The following IL12RB2 variants were observed in gnomAD, a reference collection of about 807,000 sequenced individuals.
IL12RB2 encodes the protein interleukin-12 receptor subunit beta-2.
In IL12RB2, 82 loss-of-function variants were observed where a neutral mutation model predicts 89.4. The ratio of observed to expected loss-of-function variants is 0.92; its 90% CI spans 0.77 to 1.10. IL12RB2 has a LOEUF of 1.10. IL12RB2 is among the 50% of genes least tolerant of loss of function. The pLI, the probability that IL12RB2 is intolerant of heterozygous loss-of-function variation, is 0.00. For synonymous variants in IL12RB2, 368 were observed against 370.1 expected (o/e 0.99, Z 0.07); for missense variants, 963 against 1,031.9 (o/e 0.93, Z 0.92).
intron 16 of IL12RB2, 138 bp downstream of exon 16, chr1:67,390,266 G>C: frequency 3.0e-6 from 2 of 667,736 alleles, no homozygotes; most frequent in Non-Finnish European, 5.5e-6. Context: ...GGCTACCACT[G>C]AGTCATCATT....
chr1:67,355,706 T>C (rs1317659265), intron 10 of IL12RB2, among the ~76,000 whole-genome samples: 1 of 152,234 alleles, frequency 6.6e-6, no homozygotes, highest in African/African-American at 2.4e-5. Flanking sequence ...TTCTGAACGT[T>C]ATAACTTCAT....
chr1:67,347,733 G>A (rs1414516093), intron 9 of IL12RB2, among the ~76,000 whole-genome samples: 1 of 152,162 alleles, frequency 6.6e-6, no homozygotes, highest in African/African-American at 2.4e-5. Context: ...AATAGGAGAA[G>A]GTGACAATGA....
At chr1:67,337,274 C>T (rs561291488) in intron 8 of IL12RB2, among the ~76,000 whole-genome samples, 20 of 152,252 alleles carry the variant, frequency 1.3e-4, no homozygotes, top group African/African-American at 3.9e-4. Context: ...AAAACCCCAG[C>T]GCAGCCTCCC....
intron 14 of IL12RB2, among the ~76,000 whole-genome samples, chr1:67,383,173 GAGA>G (rs569167091): frequency 1.5e-3 from 227 of 152,290 alleles, no homozygotes; most frequent in Admixed American, 3.2e-3. Context: ...TGCCAGGAGA[GAGA>G]AGAATGAGAG....
intron 1 of IL12RB2, among the ~76,000 whole-genome samples, chr1:67,308,471 A>G (rs1001952004): frequency 6.6e-6 from 1 of 152,112 alleles, no homozygotes; most frequent in East Asian, 1.9e-4. Context: ...TTGTCTCAGC[A>G]GTCTTTCCTG....
intron 10 of IL12RB2, among the ~76,000 whole-genome samples, chr1:67,366,312 G>A (rs2100971409): frequency 6.6e-6 from 1 of 152,074 alleles, no homozygotes; most frequent in Middle Eastern, 3.4e-3. Flanking sequence ...TTAGTTGGGT[G>A]TGGTGGCAGA....
intron 16 of IL12RB2, among the ~76,000 whole-genome samples, chr1:67,390,557 T>C (rs917158465): frequency 8.1e-5 from 12 of 148,624 alleles, no homozygotes; most frequent in African/African-American, 3.0e-4. Flanking sequence ...TGTCTAAGCA[T>C]AGAAAAGATA....
chr1:67,326,946 T>C (rs564416734), intron 5 of IL12RB2, 97 bp downstream of exon 5: 2 of 638,508 alleles, frequency 3.1e-6, no homozygotes, highest in Non-Finnish European at 3.9e-6. Flanking sequence ...TATTTTATTT[T>C]ATTTATTTAT....
At chr1:67,307,598 G>A (rs1654422309), upstream of IL12RB2, 1 of 152,276 alleles carries the variant, frequency 6.6e-6, no homozygotes, top group Non-Finnish European at 1.5e-5. Flanking sequence ...TCTTGCTCAA[G>A]GCGACACAGC....
chr1:67,391,703 C>T (rs1665851738), intron 16 of IL12RB2, among the ~76,000 whole-genome samples: 1 of 151,464 alleles, frequency 6.6e-6, no homozygotes, highest in Non-Finnish European at 1.5e-5. Flanking sequence ...GTGGCGCAAT[C>T]TCGGCTCACT....
rs752369815 is a variant in IL12RB2, at chr1:67,395,767, T to G, written c.2267T>G (p.Leu756Arg). 3 of 1,613,206 alleles carry G rather than the reference T, an allele frequency of 1.9e-6. No individual in the cohort carries two copies. Among genetic ancestry groups the G allele is most frequent in the East Asian group, 2.2e-5 (1 of 44,876 alleles). Residue 756 changes from leucine to arginine, a missense_variant, in exon 17 of 17, where the codon CTC becomes CGC. Physicochemically the swap from Leu to Arg is moderately radical, Grantham distance 102. Transcript: ENST00000674203. ...SASSPPPPRA[L>R]QAESRQLVDL... The stretch of plus-strand genomic sequence containing the variant: ...TCAAGCCCACCACCTCCAAGAGCTC[T>G]CCAAGCTGAGAGCAGACAACTGGTG...
In IL12RB2 at chr1:67,328,325, C is replaced by T. The variant is rs780794754; in HGVS notation, c.605C>T (p.Ala202Val). 1.9e-6 allele frequency: 3 copies of T among 1,614,170 alleles called. No homozygotes were observed. The East Asian group carries it at 6.7e-5, about 36-fold the overall frequency. ...PESNFTAKVT[A>V]VNSLGSSSSL... is the part of the protein sequence containing the mutation. ...TCCAATTTCACAGCCAAGGTTACTG[C>T]TGTCAATAGTCTTGGAAGCTCCTCT... The change falls in exon 6 of 17, where the codon GCT (alanine) becomes GTT (valine). Residue 202 changes from alanine to valine, a missense_variant. Ala to Val is a moderately conservative substitution (Grantham distance 64). Coordinates refer to ENST00000674203, the MANE Select transcript of IL12RB2 (RefSeq NM_001374259.2).
At position 67,338,669 on chromosome 1, in the gene IL12RB2, A is replaced by T; in HGVS notation, c.1004A>T (p.Asp335Val). Reference sequence around the variant, plus strand: ...GTCTGGTACATGAAACGGCACATTGACTACAGTAGACAACAGATTTCTCTT... The same window carrying T: ...GTCTGGTACATGAAACGGCACATTGTCTACAGTAGACAACAGATTTCTCTT... ...LDVWYMKRHI[D>V]YSRQQISLFW... The change falls in exon 9 of 17, where the codon GAC becomes GTC. Residue 335 changes from aspartate (D) to valine (V), a missense_variant. Transcript: ENST00000674203. The T allele has an allele frequency of 1.3e-6, 2 of 1,549,352 alleles. No homozygotes were observed. The highest frequency in any genetic ancestry group is 1.8e-6 in the Non-Finnish European group (2 of 1,121,006).
rs533106631 is a variant in IL12RB2 at position 67,389,047 on chromosome 1, TA to T, written c.1947-971del. Reference sequence around the variant, plus strand: ...AGTTACAGTGCAGGCTAAACTGCCTTAAAAAAAAAAAGAGGACCCAAAGCAC... The same window carrying T: ...AGTTACAGTGCAGGCTAAACTGCCTTAAAAAAAAAAGAGGACCCAAAGCAC... On this transcript the variant is annotated intron_variant, in intron 15 of 16. Transcript: ENST00000674203. 4.7e-3 allele frequency among the ~76,000 whole-genome samples: 681 copies of T among 145,608 alleles called. 6 individuals carry two copies. The highest frequency in any genetic ancestry group is 6.9e-3 in the Middle Eastern group (2 of 290).
At chr1:67,392,826 G>C (rs915387173) in intron 16 of IL12RB2, among the ~76,000 whole-genome samples, 1 of 151,768 alleles carries the variant, frequency 6.6e-6, no homozygotes, top group Admixed American at 6.6e-5. Flanking sequence ...GTAGAGATGG[G>C]GTTTCACCAT....
At chr1:67,360,356 G>A (rs538831192) in intron 10 of IL12RB2, among the ~76,000 whole-genome samples, 4 of 148,524 alleles carry the variant, frequency 2.7e-5, no homozygotes, top group African/African-American at 5.0e-5. Flanking sequence ...CCAAGATGGC[G>A]CCACTGCACT....
chr1:67,330,527 T>C (rs1657923679), intron 7 of IL12RB2, 133 bp from the exon 8 acceptor site: 1 of 645,392 alleles, frequency 1.5e-6, no homozygotes, highest in Admixed American at 2.7e-5. Flanking sequence ...TGATATTTCT[T>C]CTCATTTAAT....
At chr1:67,321,243 G>A (rs1162517617) in intron 3 of IL12RB2, among the ~76,000 whole-genome samples, 1 of 151,846 alleles carries the variant, frequency 6.6e-6, no homozygotes, top group Admixed American at 6.6e-5. Context: ...TTTTTTTCTG[G>A]GAAGGCTTTA....
chr1:67,367,837 C>T lies in IL12RB2; in HGVS notation c.1271C>T (p.Pro424Leu). 6.3e-7 allele frequency: 1 copy of T among 1,586,032 alleles called. No homozygotes were observed. The highest frequency in any genetic ancestry group is 8.7e-7 in the Non-Finnish European group (1 of 1,154,552). ...CTGTCCGATAAAGGGTTGCTGGCTCCTCGCCAGGTCTCTGCAAACTCAGAG... is the reference window on the plus strand; with the variant it reads ...CTGTCCGATAAAGGGTTGCTGGCTCTTCGCCAGGTCTCTGCAAACTCAGAG... Reference protein sequence around the residue: ...MNLCEAGLLAPRQVSANSEGM... With the variant: ...MNLCEAGLLALRQVSANSEGM... Residue 424 changes from proline to leucine, a missense_variant, in exon 11 of 17, where the codon CCT (proline) becomes CTT (leucine). Transcript: ENST00000674203.
Sources: allele counts gnomAD v4.1 joint callset (sites outside exome capture counted in the v4.1 genomes callset), GRCh38; gene constraint gnomAD v4.1.1; transcripts MANE v1.5; gene names NCBI Gene and HGNC (gene_info 2026-07-23, HGNC 2026-07-21).